CDH20: variants seen among roughly 807,000 people sequenced by gnomAD.
CDH20 encodes the protein cadherin 20.
In CDH20, 29 loss-of-function variants were observed where a neutral mutation model predicts 74.2. That is an observed-to-expected ratio of 0.39 (90% CI 0.29 to 0.53). The LOEUF is 0.53. Among genes scored for constraint, CDH20 ranks in the 20% least tolerant of loss-of-function variants. The pLI, the probability that CDH20 is intolerant of heterozygous loss-of-function variation, is 0.69. For missense variants in CDH20, 988 were observed against 1,048.3 expected, an observed-to-expected ratio of 0.94 and a Z score of 0.79; for synonymous variants, 469 against 405.4, an observed-to-expected ratio of 1.16 and a Z score of -1.88.
intron 1 of CDH20, among the ~76,000 whole-genome samples, chr18:61,452,708 C>CA (rs1401164313): frequency 6.6e-6 from 1 of 152,126 alleles, no homozygotes. Flanking sequence ...TTTCCATCTA[C>CA]ATGACAGCTA....
chr18:61,414,024 C>T (rs1294111503), intron 1 of CDH20, among the ~76,000 whole-genome samples: 3 of 152,140 alleles, frequency 2.0e-5, no homozygotes, highest in Admixed American at 6.5e-5. Context: ...TCTCACTCTG[C>T]TCTGTTGTTT....
chr18:61,458,028 T>C (rs1203508647), intron 1 of CDH20, among the ~76,000 whole-genome samples: 2 of 152,154 alleles, frequency 1.3e-5, no homozygotes, highest in African/African-American at 4.8e-5. Flanking sequence ...ATGTGTGTGT[T>C]TAAACAAACA....
intron 9 of CDH20, among the ~76,000 whole-genome samples, chr18:61,542,226 G>A (rs1159596594): frequency 4.6e-5 from 7 of 152,158 alleles, no homozygotes; most frequent in Non-Finnish European, 8.8e-5. Flanking sequence ...AGGACAGGAG[G>A]GTAATCCTGG....
chr18:61,446,993 G>T (rs778508314), intron 1 of CDH20, among the ~76,000 whole-genome samples: 1 of 152,198 alleles, frequency 6.6e-6, no homozygotes, highest in Non-Finnish European at 1.5e-5. Flanking sequence ...TTTTCAATCT[G>T]CACAGGAGTA....
intron 1 of CDH20, among the ~76,000 whole-genome samples, chr18:61,409,774 A>T (rs1912438601): frequency 6.6e-6 from 1 of 152,194 alleles, no homozygotes; most frequent in South Asian, 2.1e-4. Flanking sequence ...AGTTGAAGTA[A>T]CGAATATTAA....
chr18:61,353,383 A>G lies in CDH20; in HGVS notation c.-153+19556A>G, dbSNP rs530216864. Among the ~76,000 whole-genome samples the G allele has an allele frequency of 8.4e-4, 128 of 152,186 alleles. No homozygotes were observed. Among genetic ancestry groups the G allele is most frequent in the African/African-American group, 3.1e-3 (127 of 41,528 alleles). On this transcript the variant is annotated intron_variant, in intron 1 of 11. Coordinates refer to ENST00000262717, the MANE Select transcript of CDH20 (RefSeq NM_031891.4). This position sits in a 1 kb window ranked among gnomAD's most constrained non-coding sequence, Gnocchi z 4.6. ...CTCATCAAGGCTCACCTCTCCACAA[A>G]AGCCTTCTCAATTTTATGGGTCAAT... is the stretch of plus-strand genomic sequence containing the variant.
At chr18:61,384,854 C>G (rs1229896131) in intron 1 of CDH20, among the ~76,000 whole-genome samples, 2 of 152,090 alleles carry the variant, frequency 1.3e-5, no homozygotes, top group Non-Finnish European at 2.9e-5. Context: ...TAGTATTAAG[C>G]GTGATATGAT....
intron 1 of CDH20, among the ~76,000 whole-genome samples, chr18:61,454,261 T>G (rs915905257): frequency 6.6e-6 from 1 of 152,194 alleles, no homozygotes; most frequent in Admixed American, 6.5e-5. Flanking sequence ...AGCTTATGTA[T>G]CTTATTTTGG....
At chr18:61,531,715 G>C (rs1912648540) in intron 7 of CDH20, among the ~76,000 whole-genome samples, 1 of 152,142 alleles carries the variant, frequency 6.6e-6, no homozygotes. Context: ...GGCGGGACCA[G>C]GTAGAGATAA....
intron 11 of CDH20, among the ~76,000 whole-genome samples, chr18:61,552,998 C>T (rs1913489144): frequency 1.3e-5 from 2 of 152,156 alleles, no homozygotes; most frequent in African/African-American, 4.8e-5. Context: ...GGAAAATACA[C>T]ATGAGCGTAT....
chr18:61,541,315 T>A (rs905618577), intron 9 of CDH20, among the ~76,000 whole-genome samples: 10 of 151,534 alleles, frequency 6.6e-5, no homozygotes, highest in African/African-American at 2.4e-4. Context: ...ATAAACTTGT[T>A]ATAAAATTAT....
In CDH20 at chr18:61,353,680, A is replaced by G. The variant is rs1599031783; in HGVS notation, c.-153+19853A>G. ...ATCAAATGCCCTTCGACCAACTCCA[A>G]ACCCACTGAGATCACTCTTGATCTT... On this transcript the variant is annotated intron_variant, in intron 1 of 11. Transcript: ENST00000262717. This position sits in a 1 kb window ranked among gnomAD's most constrained non-coding sequence, Gnocchi z 4.6. 1.3e-5 allele frequency among the ~76,000 whole-genome samples: 2 copies of G among 152,156 alleles called. No individual in the cohort carries two copies. The highest frequency in any genetic ancestry group is 6.5e-5 in the Admixed American group (1 of 15,274).
intron 5 of CDH20, among the ~76,000 whole-genome samples, chr18:61,506,519 T>C (rs1479218246): frequency 6.6e-6 from 1 of 152,200 alleles, no homozygotes; most frequent in African/African-American, 2.4e-5. Context: ...AATGTGATTG[T>C]GTGATTTTTC....
Position 61,528,158 on chromosome 18 carries a change from G to A in CDH20, c.1209G>A (p.Ala403=), listed in dbSNP as rs772446563. ...TTGTGGAGGTGCCTGAGGATGTGGC[G>A]ATTGGAACAACCATACAGATCATTT... The part of the protein sequence containing the change: ...FYFVEVPEDV[A]IGTTIQIISA... The change falls in exon 7 of 12, where the codon GCG becomes GCA. Residue 403 remains alanine, a synonymous_variant. Transcript: ENST00000262717. 2.5e-6 allele frequency: 4 copies of A among 1,613,906 alleles called. No homozygotes were observed. The highest frequency in any genetic ancestry group is 2.2e-5 in the South Asian group (2 of 91,088).
intron 1 of CDH20, among the ~76,000 whole-genome samples, chr18:61,411,191 C>CT (rs1912488059): frequency 1.4e-5 from 1 of 69,038 alleles, no homozygotes; most frequent in African/African-American, 6.6e-5. Flanking sequence ...GAGCAAGACT[C>CT]TGTCTGAAAA....
chr18:61,507,552 G>C lies in CDH20; in HGVS notation c.1009G>C (p.Val337Leu), dbSNP rs1323547422. ...DPNFQVGIIT[V>L]KKPLSFESKK... is the part of the protein sequence containing the mutation. ...CAATTTCCAAGTTGGTATCATAACT[G>C]TGAAGAAGGTAATCCAACTCCTTTT... is the stretch of plus-strand genomic sequence containing the variant. Residue 337 changes from valine to leucine, a missense_variant, in exon 6 of 12, where the codon GTG becomes CTG. Physicochemically the swap from Val to Leu is conservative, Grantham distance 32 (BLOSUM62 1). Around this residue, in one of 2 missense-constraint regions of CDH20, gnomAD observed 613 missense variants for 755.2 expected, o/e 0.81. Coordinates refer to ENST00000262717, the MANE Select transcript of CDH20 (RefSeq NM_031891.4). 1 of 1,602,740 alleles carries C rather than the reference G, an allele frequency of 6.2e-7. No homozygotes were observed. Among genetic ancestry groups the C allele is most frequent in the East Asian group, 2.2e-5 (1 of 44,580 alleles).
chr18:61,554,397 C>T lies in CDH20; in HGVS notation c.2108C>T (p.Pro703Leu). The T allele has an allele frequency of 6.2e-7, 1 of 1,612,970 alleles. No homozygotes were observed. The highest frequency in any genetic ancestry group is 1.1e-5 in the South Asian group (1 of 91,056). ...CCCAAGACGCGGCAGGACATGCTGC[C>T]CGAGATCGAGAGCCTCTCCCGCTAC... ...AAPKTRQDML[P>L]EIESLSRYVP... is the part of the protein sequence containing the mutation. The change falls in exon 12 of 12, where the codon CCC (proline) becomes CTC (leucine). Residue 703 changes from proline (P) to leucine (L), a missense_variant. By Grantham distance (98) the Pro-to-Leu change is moderately conservative. Around this residue, in one of 2 missense-constraint regions of CDH20, gnomAD observed 375 missense variants for 293.1 expected, o/e 1.28. Coordinates refer to ENST00000262717, the MANE Select transcript of CDH20 (RefSeq NM_031891.4).
At chr18:61,421,832 C>T (rs781359959) in intron 1 of CDH20, among the ~76,000 whole-genome samples, 1 of 152,002 alleles carries the variant, frequency 6.6e-6, no homozygotes, top group East Asian at 1.9e-4. Flanking sequence ...CAGAGGGGCA[C>T]ATAACATAGA....
chr18:61,513,783 T>A (rs1173489500), intron 6 of CDH20, among the ~76,000 whole-genome samples: 2 of 152,172 alleles, frequency 1.3e-5, no homozygotes, highest in African/African-American at 4.8e-5. Flanking sequence ...GGATATGAAA[T>A]TCTGGGTTGA....
Sources: allele counts gnomAD v4.1 joint callset (sites outside exome capture counted in the v4.1 genomes callset), GRCh38; gene constraint gnomAD v4.1.1; regional missense constraint gnomAD v4.1.1; non-coding constraint Gnocchi (gnomAD v3.1); transcripts MANE v1.5; gene names NCBI Gene and HGNC (gene_info 2026-07-23, HGNC 2026-07-21).